SCFD2: variants seen among roughly 807,000 people sequenced by gnomAD.
SCFD2 encodes sec1 family domain containing 2.
Under a neutral mutation model 58.9 loss-of-function variants are expected in SCFD2, and 54 were observed. That is an observed-to-expected ratio of 0.92 (90% CI 0.74 to 1.15). The LOEUF (loss-of-function observed/expected upper bound fraction) is 1.15, where lower values mean the gene tolerates loss of function less well. Ranked by LOEUF, SCFD2 falls within the 50% of genes most tolerant of loss-of-function variation. The probability of loss-of-function intolerance (pLI) is 0.00; values close to 1 mark genes in which losing one functional copy is unlikely to be tolerated. For missense variants in SCFD2, 805 were observed against 836.6 expected (o/e 0.96, Z 0.47); for synonymous variants, 321 against 335.9 (o/e 0.96, Z 0.49).
At chr4:53,297,814 A>G (rs558764949) in intron 3 of SCFD2, among the ~76,000 whole-genome samples, 1 of 152,312 alleles carries the variant, frequency 6.6e-6, no homozygotes, top group African/African-American at 2.4e-5. Context: ...TTCTATGTTT[A>G]GAGTTTCCTT....
chr4:53,278,048 T>G (rs1731385072), intron 3 of SCFD2, among the ~76,000 whole-genome samples: 1 of 143,384 alleles, frequency 7.0e-6, no homozygotes, highest in East Asian at 2.1e-4. Flanking sequence ...CGAGACTCCG[T>G]CTCAAAACAA....
chr4:52,929,998 G>A (rs1247656080), intron 5 of SCFD2, among the ~76,000 whole-genome samples: 5 of 152,026 alleles, frequency 3.3e-5, no homozygotes, highest in Non-Finnish European at 4.4e-5. Context: ...AGAATTAGAA[G>A]AAACTACTTT....
intron 5 of SCFD2, among the ~76,000 whole-genome samples, chr4:53,105,880 AC>A (rs930109080): frequency 4.4e-5 from 4 of 90,816 alleles, no homozygotes; most frequent in African/African-American, 1.6e-4. Flanking sequence ...TGACCCCCCC[AC>A]CCCCCGCCTC....
intron 4 of SCFD2, among the ~76,000 whole-genome samples, chr4:53,237,900 G>T: frequency 1.1e-5 from 1 of 92,236 alleles, no homozygotes; most frequent in Non-Finnish European, 2.3e-5. Context: ...CTGGCCTGGC[G>T]GGGGGCTGAC....
At chr4:53,313,501 C>CA in intron 3 of SCFD2, 135 bp downstream of exon 3, 1 of 932,632 alleles carries the variant, frequency 1.1e-6, no homozygotes, top group Non-Finnish European at 1.6e-6. Flanking sequence ...CATATTCCTT[C>CA]CCTATTCTTT....
chr4:53,181,934 C>T (rs1373999360), intron 4 of SCFD2, among the ~76,000 whole-genome samples: 4 of 152,154 alleles, frequency 2.6e-5, no homozygotes, highest in South Asian at 4.1e-4. Flanking sequence ...ACCTAGGAAT[C>T]CAACTTACAA....
chr4:53,139,407 C>A (rs572735445), intron 5 of SCFD2, among the ~76,000 whole-genome samples: 1 of 134,620 alleles, frequency 7.4e-6, no homozygotes, highest in African/African-American at 2.5e-5. Flanking sequence ...TCCCGGCTGC[C>A]GGCCGTCATC....
chr4:53,120,982 G>A (rs779919747), intron 5 of SCFD2, among the ~76,000 whole-genome samples: 3 of 152,168 alleles, frequency 2.0e-5, no homozygotes, highest in African/African-American at 4.8e-5. Flanking sequence ...AGTTCTATTC[G>A]TAGATTCACT....
At chr4:53,024,532 T>G (rs1722424549) in intron 5 of SCFD2, among the ~76,000 whole-genome samples, 1 of 152,166 alleles carries the variant, frequency 6.6e-6, no homozygotes. Context: ...AAGACACTAT[T>G]GGTTCTTTCT....
intron 7 of SCFD2, among the ~76,000 whole-genome samples, chr4:52,888,055 C>T (rs11940297): frequency 0.2 from 30,702 of 151,046 alleles, 3,194 homozygotes; most frequent in East Asian, 0.27. Flanking sequence ...GGACTACAGG[C>T]GCCCGCCACC....
At chr4:53,288,989 T>TTA in intron 3 of SCFD2, among the ~76,000 whole-genome samples, 1 of 152,298 alleles carries the variant, frequency 6.6e-6, no homozygotes, top group South Asian at 2.1e-4. Context: ...AATTCTGACA[T>TTA]CAAAAATATA....
intron 2 of SCFD2, among the ~76,000 whole-genome samples, chr4:53,331,861 A>T (rs1367210373): frequency 6.6e-6 from 1 of 152,206 alleles, no homozygotes; most frequent in Non-Finnish European, 1.5e-5. Flanking sequence ...AAGACTAATA[A>T]AGAAAAAAAG....
chr4:53,199,884 G>A (rs1031339356), intron 4 of SCFD2, among the ~76,000 whole-genome samples: 1 of 152,070 alleles, frequency 6.6e-6, no homozygotes, highest in Non-Finnish European at 1.5e-5. Context: ...CCTGCTTGCA[G>A]ATGGCTTTTT....
At chr4:53,118,421 TA>T (rs1725384102) in intron 5 of SCFD2, among the ~76,000 whole-genome samples, 1 of 152,206 alleles carries the variant, frequency 6.6e-6, no homozygotes, top group Non-Finnish European at 1.5e-5. Context: ...TGGTGGTCAA[TA>T]AAATTTGAAA....
At chr4:52,899,555 C>T (rs1324363613) in intron 7 of SCFD2, among the ~76,000 whole-genome samples, 7 of 152,064 alleles carry the variant, frequency 4.6e-5, no homozygotes, top group Admixed American at 2.0e-4. Flanking sequence ...GTGGGTAACC[C>T]GACCTTTCTC....
intron 4 of SCFD2, among the ~76,000 whole-genome samples, chr4:53,268,796 G>C (rs575123197): frequency 6.6e-6 from 1 of 152,278 alleles, no homozygotes; most frequent in African/African-American, 2.4e-5. Flanking sequence ...GAGAACATCC[G>C]TGTGGGCTTG....
intron 2 of SCFD2, among the ~76,000 whole-genome samples, chr4:53,330,138 T>C (rs1577973543): frequency 6.6e-6 from 1 of 152,176 alleles, no homozygotes; most frequent in African/African-American, 2.4e-5. Context: ...CTGAAAGTGA[T>C]GGGGAGAATG....
At chr4:52,886,387 C>A (rs753755570) in intron 7 of SCFD2, among the ~76,000 whole-genome samples, 2 of 152,224 alleles carry the variant, frequency 1.3e-5, no homozygotes, top group Non-Finnish European at 2.9e-5. Context: ...TAAAATTCTT[C>A]TCCACGCTCC....
At chr4:53,340,579 A>G (rs1257770285) in intron 2 of SCFD2, among the ~76,000 whole-genome samples, 1 of 152,230 alleles carries the variant, frequency 6.6e-6, no homozygotes, top group Non-Finnish European at 1.5e-5. Flanking sequence ...CTGCAGACTT[A>G]AATGTCACTG....
Sources: allele counts gnomAD v4.1 joint callset (sites outside exome capture counted in the v4.1 genomes callset), GRCh38; gene constraint gnomAD v4.1.1; transcripts MANE v1.5; gene names NCBI Gene and HGNC (gene_info 2026-07-23, HGNC 2026-07-21).